The following TRMT11 variants were observed in gnomAD, a reference collection of about 807,000 sequenced individuals.
The protein encoded by TRMT11 is tRNA (guanine(10)-N(2))-methyltransferase TRMT11.
A neutral mutation model predicts 62.8 loss-of-function variants in TRMT11; 53 were observed. That is an observed-to-expected ratio of 0.84 (90% confidence interval 0.68 to 1.06). The LOEUF (loss-of-function observed/expected upper bound fraction) is 1.06. TRMT11 is among the 50% of genes least tolerant of loss of function. TRMT11 has a pLI of 0.00. For synonymous variants in TRMT11, 188 were observed against 190.3 expected (o/e 0.99, Z 0.10); for missense variants, 556 against 553.4 (o/e 1.00, Z -0.05).
At chr6:126,035,221 A>G (rs537362073) in intron 12 of TRMT11, among the ~76,000 whole-genome samples, 10 of 152,250 alleles carry the variant, frequency 6.6e-5, no homozygotes, top group Non-Finnish European at 7.4e-5. Flanking sequence ...GACCATAGAC[A>G]TACTGAGTGT....
chr6:126,241,426 T>C, the TRMT11 span, among the ~76,000 whole-genome samples: 6 of 152,178 alleles, frequency 3.9e-5, no homozygotes, highest in East Asian at 3.9e-4. Flanking sequence ...AAGAGGGAAT[T>C]CTCCCTAACT....
At chr6:126,066,003 T>C (rs918876018) in intron 17 of TRMT11, among the ~76,000 whole-genome samples, 1 of 152,248 alleles carries the variant, frequency 6.6e-6, no homozygotes. Flanking sequence ...GGTGCCTGCA[T>C]AGCTATTTAC....
chr6:126,057,546 G>A lies in TRMT11; in HGVS notation c.*1437+4356G>A, dbSNP rs958949075. On this transcript the variant is annotated intron_variant and NMD_transcript_variant, in intron 17 of 22. Coordinates refer to the TRMT11 transcript ENST00000648977. ...TCAGAGCTCTGAACACTATAATTCT[G>A]TAATTTGAGGAGAAATCATTCTGTC... 2.0e-5 allele frequency among the ~76,000 whole-genome samples: 3 copies of A among 152,196 alleles called. No individual in the cohort carries two copies. In the East Asian group the frequency reaches 5.8e-4, roughly 29 times the overall value.
chr6:126,009,626 CCT>C (rs1458374637), intron 8 of TRMT11, among the ~76,000 whole-genome samples: 2 of 151,828 alleles, frequency 1.3e-5, no homozygotes, highest in African/African-American at 4.8e-5. Context: ...GTACTGGTGA[CCT>C]GTCTTTTTCC....
At chr6:126,161,927 G>A (rs758901948) in intron 21 of TRMT11, among the ~76,000 whole-genome samples, 1 of 151,142 alleles carries the variant, frequency 6.6e-6, no homozygotes, top group Admixed American at 6.6e-5. Flanking sequence ...ACTTTTTGAT[G>A]GATATCAAAA....
intron 21 of TRMT11, among the ~76,000 whole-genome samples, chr6:126,161,668 C>T (rs938910207): frequency 2.6e-5 from 4 of 152,218 alleles, no homozygotes; most frequent in Admixed American, 2.0e-4. Context: ...CTGTCTTCCA[C>T]AATGGTTGAA....
chr6:126,240,522 C>A, the TRMT11 span, among the ~76,000 whole-genome samples: 1 of 152,156 alleles, frequency 6.6e-6, no homozygotes, highest in African/African-American at 2.4e-5. Flanking sequence ...TGCAGAACAG[C>A]AAATATTGGT....
At chr6:126,213,219 G>A in the TRMT11 span, among the ~76,000 whole-genome samples, 1 of 151,962 alleles carries the variant, frequency 6.6e-6, no homozygotes, top group African/African-American at 2.4e-5. Flanking sequence ...CTCCAGTTTT[G>A]TTCTTTTTGC....
intron 17 of TRMT11, among the ~76,000 whole-genome samples, chr6:126,073,749 G>A (rs753988795): frequency 6.6e-6 from 1 of 151,954 alleles, no homozygotes; most frequent in Non-Finnish European, 1.5e-5. Flanking sequence ...GTCTTAGGGA[G>A]GACTCTGTTT....
In TRMT11 at chr6:125,999,606, T is replaced by C. The variant is rs770967049; in HGVS notation, c.672T>C (p.Val224=). Residue 224 remains valine (V), a synonymous_variant, in exon 7 of 13, where the codon GTT becomes GTC. Transcript: ENST00000334379. ...KENDIVFDPF[V]GTGGLLIACA... ...ATGATATTGTCTTTGATCCATTTGT[T>C]GGAACAGGTATTTTTATTTAACTTT... 1.9e-6 allele frequency: 3 copies of C among 1,608,932 alleles called. No individual in the cohort carries two copies. The highest frequency in any genetic ancestry group is 2.7e-5 in the African/African-American group (2 of 74,678).
intron 11 of TRMT11, among the ~76,000 whole-genome samples, chr6:126,013,862 T>C (rs1382222324): frequency 6.6e-6 from 1 of 152,238 alleles, no homozygotes; most frequent in Non-Finnish European, 1.5e-5. Flanking sequence ...CACAGCTGTT[T>C]TATAGCTCTT....
At chr6:126,071,398 CATT>C (rs1333164596) in intron 17 of TRMT11, among the ~76,000 whole-genome samples, 1 of 150,870 alleles carries the variant, frequency 6.6e-6, no homozygotes, top group African/African-American at 2.4e-5. Context: ...GAGTTTATGA[CATT>C]TTTAGTAGAT....
the TRMT11 span, among the ~76,000 whole-genome samples, chr6:126,234,493 C>T: frequency 1.3e-5 from 2 of 151,742 alleles, no homozygotes; most frequent in Admixed American, 6.6e-5. Context: ...AATTTATTTT[C>T]TTGAATAAGA....
chr6:126,063,032 T>C (rs1015173738), intron 17 of TRMT11, among the ~76,000 whole-genome samples: 6 of 152,196 alleles, frequency 3.9e-5, no homozygotes, highest in Non-Finnish European at 8.8e-5. Context: ...TGTTTCATAA[T>C]AGATAAATAA....
At chr6:126,265,901 A>T in the TRMT11 span, among the ~76,000 whole-genome samples, 1 of 152,312 alleles carries the variant, frequency 6.6e-6, no homozygotes, top group African/African-American at 2.4e-5. Context: ...CAAAAGAAAC[A>T]TATGTCTATA....
At chr6:126,253,871 A>G in the TRMT11 span, among the ~76,000 whole-genome samples, 944 of 152,350 alleles carry the variant, frequency 6.2e-3, 15 homozygotes, top group African/African-American at 0.022. Flanking sequence ...TAGCAGACCT[A>G]GAATTTTTCC....
At chr6:126,155,656 C>T (rs1300402135) in intron 21 of TRMT11, among the ~76,000 whole-genome samples, 2 of 152,182 alleles carry the variant, frequency 1.3e-5, no homozygotes, top group Non-Finnish European at 1.5e-5. Context: ...TCAAAAGGGA[C>T]AAACTGGCCA....
intron 21 of TRMT11, among the ~76,000 whole-genome samples, chr6:126,124,218 A>T (rs61126171): frequency 6.6e-6 from 1 of 152,022 alleles, no homozygotes; most frequent in African/African-American, 2.4e-5. Flanking sequence ...TTATGGGAGG[A>T]GATCCCCAAA....
intron 12 of TRMT11, among the ~76,000 whole-genome samples, chr6:126,028,141 G>T (rs938699829): frequency 2.0e-5 from 3 of 152,000 alleles, no homozygotes; most frequent in African/African-American, 7.2e-5. Flanking sequence ...TCTTCTGATT[G>T]ACTTTTCTTT....
Sources: allele counts gnomAD v4.1 joint callset (sites outside exome capture counted in the v4.1 genomes callset), GRCh38; gene constraint gnomAD v4.1.1; transcripts MANE v1.5; gene names NCBI Gene and HGNC (gene_info 2026-07-23, HGNC 2026-07-21).